TGFB2: variants seen among roughly 807,000 people sequenced by gnomAD.
TGFB2 encodes transforming growth factor beta-2 proprotein.
TGFB2 carries 13 observed loss-of-function variants against 42.7 expected under a neutral mutation model. That is an observed-to-expected ratio of 0.30 (90% CI 0.20 to 0.48). The LOEUF is 0.48. Among genes scored for constraint, TGFB2 ranks in the 20% least tolerant of loss-of-function variants. The probability of loss-of-function intolerance (pLI) is 0.99; values close to 1 mark genes in which losing one functional copy is unlikely to be tolerated. For missense variants in TGFB2, 390 were observed against 517.5 expected, an observed-to-expected ratio of 0.75 and a Z score of 2.39; for synonymous variants, 193 against 193.6, an observed-to-expected ratio of 1.00 and a Z score of 0.03.
At chr1:218,386,835 A>G (rs1303657619) in intron 1 of TGFB2, among the ~76,000 whole-genome samples, 2 of 152,200 alleles carry the variant, frequency 1.3e-5, no homozygotes, top group African/African-American at 4.8e-5. Flanking sequence ...TTTACTGAGT[A>G]CTTACTATGT....
intron 1 of TGFB2, among the ~76,000 whole-genome samples, chr1:218,401,671 G>A (rs753396473): frequency 3.3e-4 from 51 of 152,296 alleles, no homozygotes; most frequent in Non-Finnish European, 6.2e-4. Flanking sequence ...CATTACAGAG[G>A]ACTTTAGCGA....
intron 2 of TGFB2, among the ~76,000 whole-genome samples, chr1:218,431,849 A>C (rs1384634606): frequency 6.6e-6 from 1 of 152,212 alleles, no homozygotes; most frequent in Non-Finnish European, 1.5e-5. Flanking sequence ...ATTCAGAATT[A>C]GATAAGTGAT....
intron 2 of TGFB2, among the ~76,000 whole-genome samples, chr1:218,427,113 A>G (rs575964187): frequency 6.6e-6 from 1 of 152,314 alleles, no homozygotes; most frequent in East Asian, 1.9e-4. Flanking sequence ...GTGATAAAAT[A>G]TACATAATAT....
At chr1:218,373,093 G>T (rs138410979) in intron 1 of TGFB2, among the ~76,000 whole-genome samples, 1 of 152,068 alleles carries the variant, frequency 6.6e-6, no homozygotes, top group Non-Finnish European at 1.5e-5. Context: ...TAGGAGAATC[G>T]CTTGAATCTG....
intron 1 of TGFB2, among the ~76,000 whole-genome samples, chr1:218,375,069 G>A (rs951085910): frequency 1.3e-5 from 2 of 152,146 alleles, no homozygotes; most frequent in Non-Finnish European, 2.9e-5. Context: ...CCAACAGGCT[G>A]AACGGAGGAA....
At chr1:218,393,165 G>T (rs779593651) in intron 1 of TGFB2, among the ~76,000 whole-genome samples, 1 of 152,218 alleles carries the variant, frequency 6.6e-6, no homozygotes, top group Non-Finnish European at 1.5e-5. Flanking sequence ...TTACAGAGCT[G>T]CAGGGGAAAG....
At chr1:218,377,420 C>T (rs1187910280) in intron 1 of TGFB2, among the ~76,000 whole-genome samples, 4 of 152,202 alleles carry the variant, frequency 2.6e-5, no homozygotes, top group African/African-American at 7.2e-5. Flanking sequence ...CAGTGCTTTA[C>T]GTGGCTTTGA....
intron 1 of TGFB2, among the ~76,000 whole-genome samples, chr1:218,375,073 G>A (rs6691619): frequency 0.016 from 2,423 of 152,260 alleles, 84 homozygotes; most frequent in African/African-American, 0.054. Context: ...CAGGCTGAAC[G>A]GAGGAAATTC....
chr1:218,422,320 A>C (rs925330144), intron 2 of TGFB2, among the ~76,000 whole-genome samples: 5 of 151,806 alleles, frequency 3.3e-5, no homozygotes, highest in African/African-American at 9.7e-5. Flanking sequence ...CAGGCTCAAC[A>C]GATCCTCCTG....
chr1:218,412,809 G>C (rs1236614578), intron 2 of TGFB2, among the ~76,000 whole-genome samples: 1 of 152,200 alleles, frequency 6.6e-6, no homozygotes, highest in Non-Finnish European at 1.5e-5. Flanking sequence ...GTGAAAGTCA[G>C]TTGCCAGGTT....
chr1:218,410,403 T>TA (rs1432883760), intron 2 of TGFB2, among the ~76,000 whole-genome samples: 1 of 152,212 alleles, frequency 6.6e-6, no homozygotes, highest in Non-Finnish European at 1.5e-5. Flanking sequence ...CTTGTGAACT[T>TA]ACGATTTTCA....
At chr1:218,379,144 T>A (rs1185682156) in intron 1 of TGFB2, among the ~76,000 whole-genome samples, 12 of 150,664 alleles carry the variant, frequency 8.0e-5, no homozygotes, top group Non-Finnish European at 1.8e-4. Context: ...TTTTTTTTTC[T>A]TTTTTAGAGA....
At chr1:218,373,048 C>T (rs575789124) in intron 1 of TGFB2, among the ~76,000 whole-genome samples, 1 of 152,198 alleles carries the variant, frequency 6.6e-6, no homozygotes, top group East Asian at 1.9e-4. Context: ...AGTGGTGGCA[C>T]ATGCCTGTAA....
intron 1 of TGFB2, among the ~76,000 whole-genome samples, chr1:218,395,370 ATC>A (rs1658468971): frequency 6.6e-6 from 1 of 152,130 alleles, no homozygotes; most frequent in Non-Finnish European, 1.5e-5. Flanking sequence ...GGTCAAACTT[ATC>A]TCTAGTGGAG....
chr1:218,368,834 A>G (rs1315354630), intron 1 of TGFB2, among the ~76,000 whole-genome samples: 1 of 152,130 alleles, frequency 6.6e-6, no homozygotes, highest in East Asian at 1.9e-4. Flanking sequence ...TATCCTAGGG[A>G]TGAGATTAGA....
At chr1:218,367,222 G>A (rs1476717743) in intron 1 of TGFB2, among the ~76,000 whole-genome samples, 1 of 152,162 alleles carries the variant, frequency 6.6e-6, no homozygotes, top group Non-Finnish European at 1.5e-5. Context: ...CCCTGAGGTA[G>A]CATTTGGCCA....
chr1:218,364,599 C>T (rs921414019), intron 1 of TGFB2, among the ~76,000 whole-genome samples: 6 of 152,106 alleles, frequency 3.9e-5, no homozygotes, highest in Admixed American at 2.0e-4. Context: ...GTGGAGGTCC[C>T]GGCTAGAGAC....
chr1:218,399,003 C>T (rs1465609584), intron 1 of TGFB2, among the ~76,000 whole-genome samples: 1 of 152,230 alleles, frequency 6.6e-6, no homozygotes, highest in Non-Finnish European at 1.5e-5. Context: ...CCACCTCAGC[C>T]TCCCAAGTAG....
chr1:218,348,364 G>T (rs184396860), intron 1 of TGFB2, among the ~76,000 whole-genome samples: 4 of 152,258 alleles, frequency 2.6e-5, no homozygotes, highest in African/African-American at 9.6e-5. Flanking sequence ...TAGTTGCAGG[G>T]TGGTGCTTTT....
Sources: allele counts gnomAD v4.1 joint callset (sites outside exome capture counted in the v4.1 genomes callset), GRCh38; gene constraint gnomAD v4.1.1; transcripts MANE v1.5; gene names NCBI Gene and HGNC (gene_info 2026-07-23, HGNC 2026-07-21).